The following XYLT2 variants were observed in gnomAD, a reference collection of about 807,000 sequenced individuals.
The protein encoded by XYLT2 is xylosyltransferase 2.
In XYLT2, 37 loss-of-function variants were observed where a neutral mutation model predicts 82.6. The ratio of observed to expected loss-of-function variants is 0.45; its 90% CI spans 0.34 to 0.59. The LOEUF (loss-of-function observed/expected upper bound fraction) is 0.59, where lower values mean the gene tolerates loss of function less well. Among genes scored for constraint, XYLT2 ranks in the 20% least tolerant of loss-of-function variants. The pLI is 0.01. For synonymous variants in XYLT2, 474 were observed against 499.0 expected, an observed-to-expected ratio of 0.95 and a Z score of 0.67; for missense variants, 934 against 1,181.3, an observed-to-expected ratio of 0.79 and a Z score of 3.07.
At chr17:50,359,933 C>T (rs748403760) in intron 10 of XYLT2, 36 bp from the exon 11 acceptor site, 1 of 1,514,976 alleles carries the variant, frequency 6.6e-7, no homozygotes, top group Non-Finnish European at 8.9e-7. Flanking sequence ...GAGTCTGTTG[C>T]AGGGGGTGTG....
chr17:50,358,092 C>T lies in XYLT2; in HGVS notation c.1942-115C>T, dbSNP rs1265310381. On this transcript the variant is annotated intron_variant, in intron 9 of 10. Transcript: ENST00000017003. The stretch of plus-strand genomic sequence containing the variant: ...CCCCTTCATTTTGCAGATGGGGAAA[C>T]TGAGGCCCAGAAAGAGACAGTGACT... 5 of 977,502 alleles carry T rather than the reference C, an allele frequency of 5.1e-6. No individual in the cohort carries two copies. The Admixed American group carries it at 1.4e-4, about 28-fold the overall frequency. The allele number at this position is 977,502 out of a possible 1,614,324, so 60.6% of individuals were successfully genotyped here.
intron 3 of XYLT2, 120 bp downstream of exon 3, chr17:50,354,703 CAG>C (rs1912433453): frequency 1.3e-6 from 2 of 1,522,458 alleles, no homozygotes; most frequent in Admixed American, 3.7e-5. Flanking sequence ...AGGCCCTGAA[CAG>C]GGGAGTGGCA....
intron 10 of XYLT2, chr17:50,358,828 T>A: frequency 3.0e-6 from 1 of 335,600 alleles, no homozygotes; most frequent in African/African-American, 2.0e-5. Flanking sequence ...GCCTCAGTCT[T>A]AGCACGTGAA....
chr17:50,354,520 G>C lies in XYLT2; in HGVS notation c.741G>C (p.Gln247His). ...TGGTTCACGGCCGCGCCATCCGCCA[G>C]CTGAAGCGTCTCCTCAAGGCCGTTT... Reference protein sequence around the residue: ...MLVVHGRAIRQLKRLLKAVYH... With the variant: ...MLVVHGRAIRHLKRLLKAVYH... The change falls in exon 3 of 11, where the codon CAG becomes CAC. Residue 247 changes from glutamine (Q) to histidine (H), a missense_variant. By Grantham distance (24) the Gln-to-His change is conservative. Around this residue, in one of 3 missense-constraint regions of XYLT2, gnomAD observed 371 missense variants for 394.9 expected, o/e 0.94. Coordinates refer to ENST00000017003, the MANE Select transcript of XYLT2 (RefSeq NM_022167.4). The C allele has an allele frequency of 6.2e-7, 1 of 1,613,492 alleles. No individual in the cohort carries two copies. The highest frequency in any genetic ancestry group is 8.5e-7 in the Non-Finnish European group (1 of 1,179,962).
At position 50,360,464 on chromosome 17, in the gene XYLT2, G is replaced by A. The variant is rs939886347; in HGVS notation, c.*173G>A. 1 of 1,367,854 alleles carries A rather than the reference G, an allele frequency of 7.3e-7. No homozygotes were observed. Among genetic ancestry groups the A allele is most frequent in the South Asian group, 1.9e-5 (1 of 53,126 alleles). 84.7% of individuals were successfully genotyped at this position (1,367,854 alleles called of 1,614,324 possible). On this transcript the variant is annotated 3_prime_UTR_variant, in exon 11 of 11. Transcript: ENST00000017003. The stretch of plus-strand genomic sequence containing the variant: ...GGACACAGTATGAACTACTGCTGAT[G>A]TCTCTGTTGGGGATCAGAGGGCTGG...
chr17:50,357,022 G>A, intron 8 of XYLT2, 35 bp from the exon 9 acceptor site: 1 of 1,561,476 alleles, frequency 6.4e-7, no homozygotes, highest in Non-Finnish European at 8.7e-7. Flanking sequence ...CAGGTGTGCT[G>A]ATGGCATCTC....
Position 50,360,767 on chromosome 17 carries a change from A to C in XYLT2, c.*476A>C, listed in dbSNP as rs888701614. 8 of 984,822 alleles carry C rather than the reference A, an allele frequency of 8.1e-6. No individual in the cohort carries two copies. The highest frequency in any genetic ancestry group is 1.7e-5 in the African/African-American group (1 of 57,206). The allele number at this position is 984,822 out of a possible 1,614,324, so 61.0% of individuals were successfully genotyped here. On this transcript the variant is annotated 3_prime_UTR_variant, in exon 11 of 11. Transcript: ENST00000017003. Reference sequence around the variant, plus strand: ...CTCACTCTCCAGGGCCTCATGCCCCATTCTGGGCCTGTGGTGCTCGTGGCT... The same window carrying C: ...CTCACTCTCCAGGGCCTCATGCCCCCTTCTGGGCCTGTGGTGCTCGTGGCT...
chr17:50,351,611 G>A (rs1190869353), intron 1 of XYLT2, among the ~76,000 whole-genome samples: 1 of 152,160 alleles, frequency 6.6e-6, no homozygotes, highest in Non-Finnish European at 1.5e-5. Flanking sequence ...CCCAGCCTGG[G>A]CAACAGAGCA....
chr17:50,359,867 A>T, intron 10 of XYLT2, 102 bp from the exon 11 acceptor site: 1 of 1,012,454 alleles, frequency 9.9e-7, no homozygotes, highest in Non-Finnish European at 1.4e-6. Context: ...ACTCAGAAGT[A>T]GGGCTGTGAC....
Position 50,354,588 on chromosome 17 carries a change from T to A in XYLT2, c.804+5T>A. On this transcript the variant is annotated splice_donor_5th_base_variant and intron_variant, in intron 3 of 10. Coordinates refer to ENST00000017003, the MANE Select transcript of XYLT2 (RefSeq NM_022167.4). ...TTTTACATCCATGTGGACAAGGTAC[T>A]GTGGTGGGGAGAGGCCAAGGGGTCT... 6.2e-7 allele frequency: 1 copy of A among 1,601,926 alleles called. No individual in the cohort carries two copies. Among genetic ancestry groups the A allele is most frequent in the Non-Finnish European group, 8.5e-7 (1 of 1,173,516 alleles).
In XYLT2 at chr17:50,353,843, G is replaced by A. The variant is rs778033016; in HGVS notation, c.349G>A (p.Ala117Thr). 12 of 1,601,086 alleles carry A rather than the reference G, an allele frequency of 7.5e-6. 1 individual carries two copies. The highest frequency in any genetic ancestry group is 1.1e-5 in the South Asian group (1 of 89,848). Residue 117 changes from alanine (A) to threonine (T), a missense_variant, in exon 2 of 11, where the codon GCC becomes ACC. Ala to Thr is a moderately conservative substitution (Grantham distance 58). This residue lies in a region of XYLT2 where 371 missense variants were observed against 394.9 expected (regional missense o/e 0.94). Coordinates refer to ENST00000017003, the MANE Select transcript of XYLT2 (RefSeq NM_022167.4). ...GGTCCCACCTGCCCCACCCCCGGAA[G>A]CCCCAGGCCGCCAGAACCTGAGTGG... ...RRVPPAPPPEAPGRQNLSGAA... is the reference protein window; with the variant it reads ...RRVPPAPPPETPGRQNLSGAA...
intron 3 of XYLT2, 68 bp downstream of exon 3, chr17:50,354,651 C>T: frequency 1.3e-6 from 2 of 1,551,200 alleles, no homozygotes; most frequent in Non-Finnish European, 1.7e-6. Flanking sequence ...TGCAGACAGA[C>T]AGAGTCTCTG....
intron 8 of XYLT2, 92 bp downstream of exon 8, chr17:50,356,865 G>A (rs748088506): frequency 1.7e-5 from 26 of 1,517,930 alleles, no homozygotes; most frequent in Non-Finnish European, 2.3e-5. Flanking sequence ...CCCACAACAA[G>A]GCCCCAGTCT....
Position 50,360,459 on chromosome 17 carries a change from CTGA to C in XYLT2, c.*171_*173del. ...AAGGTGGACACAGTATGAACTACTG[CTGA>C]TGTCTCTGTTGGGGATCAGAGGGCT... On this transcript the variant is annotated 3_prime_UTR_variant, in exon 11 of 11. Coordinates refer to ENST00000017003, the MANE Select transcript of XYLT2 (RefSeq NM_022167.4). 3.6e-6 allele frequency: 5 copies of C among 1,389,942 alleles called. No homozygotes were observed. Among genetic ancestry groups the C allele is most frequent in the Non-Finnish European group, 4.6e-6 (5 of 1,075,744 alleles). 86.1% of individuals were successfully genotyped at this position (1,389,942 alleles called of 1,614,324 possible). A position where few individuals can be genotyped will look rare whatever the true frequency, so the allele number is the denominator to read the frequency against.
chr17:50,354,878 G>T lies in XYLT2; in HGVS notation c.829G>T (p.Val277Leu). The T allele has an allele frequency of 1.2e-6, 2 of 1,613,412 alleles. No individual in the cohort carries two copies. Among genetic ancestry groups the T allele is most frequent in the Non-Finnish European group, 8.5e-7 (1 of 1,179,760 alleles). ...GCGTTCCGACTACCTGCACCGGGAG[G>T]TGGTGGAGCTGGCCCAGGGCTATGA... ...DKRSDYLHRE[V>L]VELAQGYDNV... The change falls in exon 4 of 11, where the codon GTG becomes TTG. Residue 277 changes from valine to leucine, a missense_variant. This residue lies in a region of XYLT2 where 371 missense variants were observed against 394.9 expected (regional missense o/e 0.94). Coordinates refer to ENST00000017003, the MANE Select transcript of XYLT2 (RefSeq NM_022167.4).
In XYLT2 at chr17:50,346,341, C is replaced by A; in HGVS notation, c.135+66C>A. ...GGCGCGCGGGGTCCTGGCGGGGCTG[C>A]GGGCGGCCCCAGCCGGGGAAGTGGG... On this transcript the variant is annotated intron_variant, in intron 1 of 10. Coordinates refer to ENST00000017003, the MANE Select transcript of XYLT2 (RefSeq NM_022167.4). This position sits in a 1 kb window ranked among gnomAD's most constrained non-coding sequence, Gnocchi z 5.1. 2.0e-6 allele frequency: 2 copies of A among 999,180 alleles called. No individual in the cohort carries two copies. The highest frequency in any genetic ancestry group is 2.4e-6 in the Non-Finnish European group (2 of 840,358). 61.9% of individuals were successfully genotyped at this position (999,180 alleles called of 1,614,324 possible).
At position 50,355,531 on chromosome 17, in the gene XYLT2, C is replaced by T. The variant is rs747634523; in HGVS notation, c.1038C>T (p.Ser346=). Residue 346 remains serine (S), a synonymous_variant, in exon 5 of 11, where the codon TCC becomes TCT. Coordinates refer to ENST00000017003, the MANE Select transcript of XYLT2 (RefSeq NM_022167.4). ...RTNEELVAFL[S]KNRDKNFLKS... ...ATGAGGAGCTGGTGGCATTCCTATC[C>T]AAGAACCGGGACAAGAATTTCCTCA... The T allele has an allele frequency of 6.2e-7, 1 of 1,614,124 alleles. No homozygotes were observed. Among genetic ancestry groups the T allele is most frequent in the African/African-American group, 1.3e-5 (1 of 75,014 alleles).
Position 50,357,075 on chromosome 17 carries a change from G to C in XYLT2, c.1764G>C (p.Leu588Phe). 2 of 1,607,492 alleles carry C rather than the reference G, an allele frequency of 1.2e-6. No individual in the cohort carries two copies. The highest frequency in any genetic ancestry group is 1.7e-6 in the Non-Finnish European group (2 of 1,176,284). ...ACCTTAGGTTTGAGCCCAGGGGCTT[G>C]CCGTCCAGCGTGCACCTGTATTTCT... Reference protein sequence around the residue: ...TPLCRFEPRGLPSSVHLYFYD... With the variant: ...TPLCRFEPRGFPSSVHLYFYD... Residue 588 changes from leucine to phenylalanine, a missense_variant, in exon 9 of 11, where the codon TTG (leucine) becomes TTC (phenylalanine). Around this residue, in one of 3 missense-constraint regions of XYLT2, gnomAD observed 374 missense variants for 465.6 expected, o/e 0.80. Transcript: ENST00000017003.
At chr17:50,358,654 A>G (rs1196162991) in intron 10 of XYLT2, 114 bp downstream of exon 10, 5 of 1,141,242 alleles carry the variant, frequency 4.4e-6, no homozygotes, top group East Asian at 5.2e-5. Flanking sequence ...GAGTCAGGGA[A>G]GCATGGAAGG....
Sources: gnomAD v4.1 joint callset for allele counts (sites outside exome capture counted in the v4.1 genomes callset) on GRCh38, gnomAD v4.1.1 for gene constraint, gnomAD v4.1.1 regional missense constraint, Gnocchi (gnomAD v3.1) non-coding constraint, MANE v1.5 for transcripts, NCBI Gene and HGNC (gene_info 2026-07-23, HGNC 2026-07-21) for gene names.